SLC25A48: variants seen among roughly 807,000 people sequenced by gnomAD.
SLC25A48 encodes the protein CTC-321K16.1.
In SLC25A48, 29 loss-of-function variants were observed where a neutral mutation model predicts 32.2. That is an observed-to-expected ratio of 0.90 (90% CI 0.67 to 1.23). The LOEUF is 1.23. Ranked by LOEUF, SLC25A48 falls within the 50% of genes most tolerant of loss-of-function variation. SLC25A48 has a pLI of 0.00. For missense variants in SLC25A48, 399 were observed against 422.7 expected, an observed-to-expected ratio of 0.94 and a Z score of 0.49; for synonymous variants, 164 against 172.3, an observed-to-expected ratio of 0.95 and a Z score of 0.38.
At chr5:135,848,413 A>G (rs993188762) in intron 2 of SLC25A48, among the ~76,000 whole-genome samples, 9 of 152,108 alleles carry the variant, frequency 5.9e-5, no homozygotes, top group Non-Finnish European at 1.3e-4. Context: ...CTGGTTGTGG[A>G]CATCCCACTC....
At chr5:135,853,520 C>G (rs1760063384) in intron 4 of SLC25A48, among the ~76,000 whole-genome samples, 1 of 152,226 alleles carries the variant, frequency 6.6e-6, no homozygotes. Context: ...TAGATTTCAT[C>G]TGAAGAAAAA....
At chr5:135,720,696 A>C (rs1034156504) in intron 3 of SLC25A48, among the ~76,000 whole-genome samples, 1 of 152,000 alleles carries the variant, frequency 6.6e-6, no homozygotes, top group African/African-American at 2.4e-5. Context: ...CCCCCAATCC[A>C]TTGCACGGAG....
At chr5:135,728,239 G>C (rs1164840110) in intron 3 of SLC25A48, among the ~76,000 whole-genome samples, 2 of 133,634 alleles carry the variant, frequency 1.5e-5, no homozygotes, top group Non-Finnish European at 3.2e-5. Context: ...GTGGGTGACA[G>C]ATCGAGACTC....
At chr5:135,662,965 C>G (rs1408125998) in intron 3 of SLC25A48, among the ~76,000 whole-genome samples, 1 of 152,170 alleles carries the variant, frequency 6.6e-6, no homozygotes, top group East Asian at 1.9e-4. Flanking sequence ...GCAATTCTGC[C>G]TGGTGCCCTG....
chr5:135,723,266 A>G (rs1036200147), intron 3 of SLC25A48, among the ~76,000 whole-genome samples: 31 of 152,172 alleles, frequency 2.0e-4, no homozygotes, highest in Admixed American at 2.0e-3. Context: ...GAATCAATTC[A>G]CTATTCTTTC....
intron 2 of SLC25A48, 131 bp from the exon 3 acceptor site, chr5:135,850,294 G>A (rs113304805): frequency 0.063 from 51,727 of 821,546 alleles, 2,044 homozygotes; most frequent in Non-Finnish European, 0.079. Flanking sequence ...CACCAGCCTG[G>A]CCAGGACTGA....
chr5:135,875,088 A>C, intron 6 of SLC25A48: 2 of 194,880 alleles, frequency 1.0e-5, no homozygotes, highest in Admixed American at 6.1e-5. Flanking sequence ...ACCATTTCTC[A>C]TTTGCATTAG....
In SLC25A48 at chr5:135,843,974, A is replaced by C. The variant is rs545894794; in HGVS notation, c.90+1515A>C. On this transcript the variant is annotated intron_variant, in intron 2 of 7. Coordinates refer to ENST00000681962, the MANE Select transcript of SLC25A48 (RefSeq NM_001349336.2). The stretch of plus-strand genomic sequence containing the variant: ...GCAAGTTCATGTCTGAAGTGGACTT[A>C]CTAGCATATCACGGCTGAGCCATTG... 9.8e-4 allele frequency among the ~76,000 whole-genome samples: 150 copies of C among 152,294 alleles called. 1 individual carries two copies. Among genetic ancestry groups the C allele is most frequent in the South Asian group, 6.0e-3 (29 of 4,826 alleles).
intron 1 of SLC25A48, among the ~76,000 whole-genome samples, chr5:135,624,915 G>A (rs1319282248): frequency 1.3e-5 from 2 of 152,216 alleles, no homozygotes; most frequent in Admixed American, 1.3e-4. Context: ...ATGAAGTGAT[G>A]TGGTTTCCTT....
chr5:135,733,247 C>A (rs1323022632), intron 3 of SLC25A48, among the ~76,000 whole-genome samples: 1 of 152,110 alleles, frequency 6.6e-6, no homozygotes, highest in Non-Finnish European at 1.5e-5. Flanking sequence ...CGGTGAGTGG[C>A]GATTAGGCCT....
At chr5:135,724,547 C>A (rs1453440191) in intron 3 of SLC25A48, among the ~76,000 whole-genome samples, 1 of 152,252 alleles carries the variant, frequency 6.6e-6, no homozygotes, top group Non-Finnish European at 1.5e-5. Flanking sequence ...CCTTCCTCCA[C>A]CCCACAGGAA....
intron 3 of SLC25A48, among the ~76,000 whole-genome samples, chr5:135,681,706 A>T (rs940401177): frequency 6.6e-6 from 1 of 152,184 alleles, no homozygotes; most frequent in Non-Finnish European, 1.5e-5. Context: ...TCTGAGATTC[A>T]TTTAAGCTAC....
intron 2 of SLC25A48, among the ~76,000 whole-genome samples, chr5:135,847,235 C>T (rs1269829837): frequency 1.3e-5 from 2 of 152,196 alleles, no homozygotes; most frequent in African/African-American, 2.4e-5. Flanking sequence ...TATTATATAC[C>T]TAACACTATG....
chr5:135,770,608 T>A (rs924034820), intron 3 of SLC25A48, among the ~76,000 whole-genome samples: 1 of 151,672 alleles, frequency 6.6e-6, no homozygotes, highest in East Asian at 1.9e-4. Flanking sequence ...GTTCCTAATA[T>A]GCCAGTGGGA....
intron 1 of SLC25A48, among the ~76,000 whole-genome samples, chr5:135,605,236 T>C (rs1751906287): frequency 6.6e-6 from 1 of 152,242 alleles, no homozygotes; most frequent in African/African-American, 2.4e-5. Flanking sequence ...ATTTAAAAAA[T>C]ACAAAACAAA....
chr5:135,802,451 C>T (rs1343287992), intron 3 of SLC25A48, among the ~76,000 whole-genome samples: 1 of 151,632 alleles, frequency 6.6e-6, no homozygotes, highest in East Asian at 1.9e-4. Flanking sequence ...GGAGGTATTA[C>T]TCCTACTATC....
intron 3 of SLC25A48, among the ~76,000 whole-genome samples, chr5:135,754,319 G>T (rs58506072): frequency 0.043 from 6,512 of 151,960 alleles, 284 homozygotes; most frequent in African/African-American, 0.11. Context: ...AATGCCATTT[G>T]CCTGTCTACA....
At chr5:135,806,440 A>G (rs190703778) in intron 3 of SLC25A48, among the ~76,000 whole-genome samples, 1 of 151,560 alleles carries the variant, frequency 6.6e-6, no homozygotes, top group African/African-American at 2.4e-5. Context: ...TATTAATACC[A>G]TAATGTGTTC....
At chr5:135,814,129 A>G (rs1757657272) in intron 4 of SLC25A48, among the ~76,000 whole-genome samples, 2 of 152,204 alleles carry the variant, frequency 1.3e-5, no homozygotes, top group Non-Finnish European at 2.9e-5. Flanking sequence ...CCAGGTGTTG[A>G]GAGTGACTTC....
Sources: allele counts gnomAD v4.1 joint callset (sites outside exome capture counted in the v4.1 genomes callset), GRCh38; gene constraint gnomAD v4.1.1; transcripts MANE v1.5; gene names NCBI Gene and HGNC (gene_info 2026-07-23, HGNC 2026-07-21).